DDX55: variants seen among roughly 807,000 people sequenced by gnomAD.
The protein encoded by DDX55 is DEAD-box helicase 55, also known as ATP-dependent RNA helicase DDX55.
In DDX55, 56 loss-of-function variants were observed where a neutral mutation model predicts 69.2. The ratio of observed to expected loss-of-function variants is 0.81; its 90% CI spans 0.65 to 1.01. The LOEUF (loss-of-function observed/expected upper bound fraction) is 1.01, where lower values mean the gene tolerates loss of function less well. Ranked by LOEUF, DDX55 falls within the 50% of genes least tolerant of loss-of-function variation. The pLI is 0.00. For synonymous variants in DDX55, 268 were observed against 273.1 expected (o/e 0.98, Z 0.18); for missense variants, 720 against 745.1 (o/e 0.97, Z 0.39).
At chr12:123,607,002 A>G (rs1247429807) in intron 3 of DDX55, among the ~76,000 whole-genome samples, 1 of 152,192 alleles carries the variant, frequency 6.6e-6, no homozygotes, top group African/African-American at 2.4e-5. Context: ...TGTGCTAGAG[A>G]AGCACAAGCT....
At chr12:123,605,035 A>T (rs786433) in intron 1 of DDX55, 128,470 of 152,090 alleles carry the variant, frequency 0.84, 54,649 homozygotes, top group East Asian at 0.97. Flanking sequence ...TTATTTATTT[A>T]TTGAGGCAGG....
At position 123,618,678 on chromosome 12, in the gene DDX55, CAGG is replaced by C. The variant is rs772301277; in HGVS notation, c.1177_1179del (p.Glu393del). 1.9e-6 allele frequency: 3 copies of C among 1,613,678 alleles called. No individual in the cohort carries two copies. Among genetic ancestry groups the C allele is most frequent in the African/African-American group, 2.7e-5 (2 of 74,884 alleles). ...ATGTGTGTGTGTGTAGTGCCCCCTG[CAGG>C]AGATGAAGCCCCAGAGAAACACAGC... On this transcript the variant is annotated inframe_deletion, in exon 12 of 14. Coordinates refer to ENST00000238146, the MANE Select transcript of DDX55 (RefSeq NM_020936.3).
In DDX55 at chr12:123,619,705, A is replaced by G; in HGVS notation, c.1607A>G (p.Glu536Gly). Residue 536 changes from glutamate to glycine, a missense_variant, in exon 13 of 14, where the codon GAG (glutamate) becomes GGG (glycine). Transcript: ENST00000238146. ...AKKEKKKKMN[E>G]KRKREEGSDI... is the part of the protein sequence containing the mutation. ...AAAGAAAAGAAGAAAAAAATGAATG[A>G]GAAAAGGAAAAGGGAAGAGGTAAAG... The G allele has an allele frequency of 1.3e-6, 2 of 1,574,836 alleles. No individual in the cohort carries two copies. The highest frequency in any genetic ancestry group is 1.7e-6 in the Non-Finnish European group (2 of 1,170,610).
In DDX55 at chr12:123,608,734, G is replaced by A. The variant is rs751283344; in HGVS notation, c.456G>A (p.Lys152=). The change falls in exon 6 of 14, where the codon AAG becomes AAA. Residue 152 remains lysine (K), a synonymous_variant. Transcript: ENST00000238146. ...PGRLEDMFRR[K]AEGLDLASCV... is the part of the protein sequence containing the mutation. ...GCTTGGAGGACATGTTCCGGAGGAA[G>A]GCCGAAGGCTTGGATCTGGCCAGCT... 13 of 1,614,050 alleles carry A rather than the reference G, an allele frequency of 8.1e-6. No homozygotes were observed. The highest frequency in any genetic ancestry group is 1.1e-5 in the Non-Finnish European group (13 of 1,180,036).
At chr12:123,616,908 C>G (rs1474140420) in intron 10 of DDX55, 2 of 317,642 alleles carry the variant, frequency 6.3e-6, no homozygotes, top group Non-Finnish European at 1.2e-5. Context: ...AATTCCAGCA[C>G]TTTGGGGAGG....
intron 8 of DDX55, among the ~76,000 whole-genome samples, chr12:123,613,509 G>A (rs114033770): frequency 0.014 from 2,116 of 152,128 alleles, 53 homozygotes; most frequent in African/African-American, 0.048. Context: ...TGATGTGATT[G>A]GTCTTCTCTT....
At chr12:123,602,482 C>T (rs1953627030) in intron 1 of DDX55, among the ~76,000 whole-genome samples, 1 of 152,242 alleles carries the variant, frequency 6.6e-6, no homozygotes, top group Non-Finnish European at 1.5e-5. Flanking sequence ...GCTGTGGTCT[C>T]AAGCCTGGTT....
chr12:123,620,149 C>T lies in DDX55; in HGVS notation c.*9C>T. 1 of 1,611,624 alleles carries T rather than the reference C, an allele frequency of 6.2e-7. No individual in the cohort carries two copies. The highest frequency in any genetic ancestry group is 8.5e-7 in the Non-Finnish European group (1 of 1,178,568). On this transcript the variant is annotated 3_prime_UTR_variant, in exon 14 of 14. Coordinates refer to ENST00000238146, the MANE Select transcript of DDX55 (RefSeq NM_020936.3). The stretch of plus-strand genomic sequence containing the variant: ...TGGAAGATGACTGCTGATTCCAGTG[C>T]CACAGATGAACCCACAAGGACATAG...
chr12:123,615,068 C>T, intron 8 of DDX55, 117 bp from the exon 9 acceptor site: 2 of 1,393,670 alleles, frequency 1.4e-6, no homozygotes, highest in Non-Finnish European at 2.0e-6. Context: ...TGTCATTCCC[C>T]TAGGGAGGGC....
At chr12:123,607,744 G>A (rs1161130155) in intron 5 of DDX55, 82 bp downstream of exon 5, 2 of 1,596,946 alleles carry the variant, frequency 1.3e-6, no homozygotes, top group Non-Finnish European at 1.7e-6. Flanking sequence ...CAGCCTAACT[G>A]TGGGTCCCCC....
chr12:123,618,580 C>G, intron 11 of DDX55, 89 bp from the exon 12 acceptor site: 1 of 1,557,306 alleles, frequency 6.4e-7, no homozygotes, highest in East Asian at 2.3e-5. Context: ...GGAATTGTTT[C>G]GCTTTTGTTT....
chr12:123,608,700 C>T lies in DDX55; in HGVS notation c.422C>T (p.Thr141Ile), dbSNP rs773686445. Residue 141 changes from threonine (T) to isoleucine (I), a missense_variant, in exon 6 of 14, where the codon ACT becomes ATT. By Grantham distance (89) the Thr-to-Ile change is moderately conservative. Coordinates refer to ENST00000238146, the MANE Select transcript of DDX55 (RefSeq NM_020936.3). ...KQQGGNIIVA[T>I]PGRLEDMFRR... is the part of the protein sequence containing the mutation. Reference sequence around the variant, plus strand: ...CAAAGTGGGAACATCATTGTGGCCACTCCAGGCCGCTTGGAGGACATGTTC... The same window carrying T: ...CAAAGTGGGAACATCATTGTGGCCATTCCAGGCCGCTTGGAGGACATGTTC... 2 of 1,613,960 alleles carry T rather than the reference C, an allele frequency of 1.2e-6. No individual in the cohort carries two copies. Among genetic ancestry groups the T allele is most frequent in the Non-Finnish European group, 1.7e-6 (2 of 1,179,982 alleles).
chr12:123,602,320 C>A, intron 1 of DDX55, 64 bp downstream of exon 1: 1 of 1,415,928 alleles, frequency 7.1e-7, no homozygotes. Context: ...TGCATCGGAC[C>A]CACAGGAGGT....
intron 1 of DDX55, 117 bp from the exon 2 acceptor site, chr12:123,605,812 GCC>G: frequency 7.5e-7 from 1 of 1,327,660 alleles, no homozygotes; most frequent in South Asian, 1.2e-5. Context: ...GTTACTCAGA[GCC>G]CCTTTTGTGG....
At chr12:123,619,880 A>G in intron 13 of DDX55, 84 bp from the exon 14 acceptor site, 6 of 1,533,016 alleles carry the variant, frequency 3.9e-6, no homozygotes, top group South Asian at 1.3e-5. Flanking sequence ...CTGAGAGCTT[A>G]TAGTTCTTGA....
intron 9 of DDX55, 68 bp from the exon 10 acceptor site, chr12:123,616,443 A>G: frequency 7.2e-7 from 1 of 1,392,430 alleles, no homozygotes; most frequent in East Asian, 2.3e-5. Flanking sequence ...CATCGAGATC[A>G]GTAGGCTGTT....
chr12:123,602,154 G>T lies in DDX55; in HGVS notation c.6G>T (p.Glu2Asp), dbSNP rs879320955. 11 of 1,554,718 alleles carry T rather than the reference G, an allele frequency of 7.1e-6. No homozygotes were observed. The highest frequency in any genetic ancestry group is 8.7e-6 in the Non-Finnish European group (10 of 1,151,404). Reference sequence around the variant, plus strand: ...ACGCGGCGAAGGAGCGCGCCATGGAGCATGTGACAGAGGGCTCCTGGGAGT... The same window carrying T: ...ACGCGGCGAAGGAGCGCGCCATGGATCATGTGACAGAGGGCTCCTGGGAGT... M[E>D]HVTEGSWESL... The change falls in exon 1 of 14, where the codon GAG becomes GAT. Residue 2 changes from glutamate (E) to aspartate (D), a missense_variant. Glu to Asp is a conservative substitution (Grantham distance 45). Transcript: ENST00000238146.
intron 1 of DDX55, among the ~76,000 whole-genome samples, chr12:123,604,092 G>A (rs547178395): frequency 1.3e-5 from 2 of 152,196 alleles, no homozygotes; most frequent in East Asian, 1.9e-4. Context: ...GAGCCACTGC[G>A]CCTGACCACA....
chr12:123,613,298 A>G (rs1210339909), intron 8 of DDX55, 46 bp downstream of exon 8: 1 of 1,590,028 alleles, frequency 6.3e-7, no homozygotes, highest in East Asian at 2.2e-5. Flanking sequence ...ATTCAGCCAG[A>G]ATGTGCAGGT....
Sources: gnomAD v4.1 joint callset for allele counts (sites outside exome capture counted in the v4.1 genomes callset) on GRCh38, gnomAD v4.1.1 for gene constraint, MANE v1.5 for transcripts, NCBI Gene and HGNC (gene_info 2026-07-23, HGNC 2026-07-21) for gene names.